The following COL5A2 variants were observed in gnomAD, a reference collection of about 807,000 sequenced individuals.
COL5A2 encodes the protein collagen type V alpha 2 chain, also known as collagen alpha-2(V) chain.
A neutral mutation model predicts 208.2 loss-of-function variants in COL5A2; 23 were observed. The ratio of observed to expected loss-of-function variants is 0.11; its 90% CI spans 0.08 to 0.16. The LOEUF (loss-of-function observed/expected upper bound fraction) is 0.16, where lower values mean the gene tolerates loss of function less well. Ranked by LOEUF, COL5A2 falls within the 10% of genes least tolerant of loss-of-function variation. The probability of loss-of-function intolerance (pLI) is 1.00; values close to 1 mark genes in which losing one functional copy is unlikely to be tolerated. For synonymous variants in COL5A2, 625 were observed against 628.5 expected (o/e 0.99, Z 0.08); for missense variants, 1,590 against 1,956.4 (o/e 0.81, Z 3.53).
the COL5A2 span, among the ~76,000 whole-genome samples, chr2:189,377,833 CCTTGCGAACCAATTATTTGTTTCTT>C: frequency 6.6e-6 from 1 of 152,134 alleles, no homozygotes; most frequent in Non-Finnish European, 1.5e-5. Context: ...ATTTGTTTCT[CCTTGCGAACCAATTATTTGTTTCTT>C]CTTGCGAACC....
chr2:189,068,374 ATT>A, intron 19 of COL5A2, 104 bp from the exon 20 acceptor site: 1 of 1,033,924 alleles, frequency 9.7e-7, no homozygotes, highest in South Asian at 1.3e-5. Flanking sequence ...AAGTAGAAGC[ATT>A]TTTTAAAAAT....
At chr2:189,181,323 C>T (rs1688776283), upstream of COL5A2, among the ~76,000 whole-genome samples, 2 of 152,056 alleles carry the variant, frequency 1.3e-5, no homozygotes, top group South Asian at 4.1e-4. Context: ...TAGACATGTC[C>T]CATTTCAATG....
chr2:189,157,432 A>T (rs896233893), intron 1 of COL5A2, among the ~76,000 whole-genome samples: 1 of 151,972 alleles, frequency 6.6e-6, no homozygotes, highest in Non-Finnish European at 1.5e-5. Context: ...AGGACATTTA[A>T]ATAAAGAAGT....
upstream of COL5A2, chr2:189,180,027 A>C (rs1164122780): frequency 2.7e-6 from 1 of 376,742 alleles, no homozygotes; most frequent in East Asian, 4.3e-5. Context: ...AGGCTGTTAG[A>C]AGAAAAGGGT....
At chr2:189,100,244 T>C (rs55765720) in intron 3 of COL5A2, 105 bp from the exon 4 acceptor site, 5 of 869,302 alleles carry the variant, frequency 5.8e-6, no homozygotes, top group Non-Finnish European at 9.4e-6. Context: ...AGGGAATTTC[T>C]ATGTAAGAAA....
the COL5A2 span, among the ~76,000 whole-genome samples, chr2:189,285,248 G>A: frequency 6.6e-6 from 1 of 152,022 alleles, no homozygotes. Context: ...TGTGACAAAA[G>A]TTGGCACTGT....
chr2:189,396,895 A>G, the COL5A2 span, among the ~76,000 whole-genome samples: 2 of 149,900 alleles, frequency 1.3e-5, no homozygotes, highest in East Asian at 4.0e-4. Context: ...AGAGGCTGAG[A>G]CAGGAGAATT....
intron 1 of COL5A2, among the ~76,000 whole-genome samples, chr2:189,213,307 C>T (rs1689239176): frequency 6.6e-6 from 1 of 151,916 alleles, no homozygotes; most frequent in African/African-American, 2.4e-5. Context: ...TAAAAAATGA[C>T]CAAGAGAAAA....
At chr2:189,403,953 A>C in the COL5A2 span, among the ~76,000 whole-genome samples, 1 of 152,088 alleles carries the variant, frequency 6.6e-6, no homozygotes, top group Non-Finnish European at 1.5e-5. Context: ...GGATGGTCTC[A>C]ATCTCCTGAC....
chr2:189,339,318 T>A, the COL5A2 span, among the ~76,000 whole-genome samples: 1 of 145,032 alleles, frequency 6.9e-6, no homozygotes, highest in Admixed American at 7.1e-5. Context: ...GCCACTGCAC[T>A]CCAGCCTATA....
At chr2:189,387,045 C>A in the COL5A2 span, among the ~76,000 whole-genome samples, 1 of 151,948 alleles carries the variant, frequency 6.6e-6, no homozygotes, top group Non-Finnish European at 1.5e-5. Context: ...TTCACAATAG[C>A]AAAAACATGG....
the COL5A2 span, among the ~76,000 whole-genome samples, chr2:189,298,335 GAA>G: frequency 4.6e-5 from 7 of 152,122 alleles, no homozygotes; most frequent in Non-Finnish European, 8.8e-5. Context: ...TGAGTTAATA[GAA>G]AAGCCTTGAA....
At chr2:189,356,865 C>T in the COL5A2 span, among the ~76,000 whole-genome samples, 1 of 152,282 alleles carries the variant, frequency 6.6e-6, no homozygotes, top group South Asian at 2.1e-4. Context: ...TCTCCATCTT[C>T]GTGGATTTAT....
chr2:189,044,798 G>C lies in COL5A2; in HGVS notation c.3363+381C>G, dbSNP rs115592156. Among the ~76,000 whole-genome samples, 562 of 152,150 alleles carry C rather than the reference G, an allele frequency of 3.7e-3. 2 individuals are homozygous for C. Among genetic ancestry groups the C allele is most frequent in the African/African-American group, 0.013 (525 of 41,530 alleles). On this transcript the variant is annotated intron_variant, in intron 47 of 53. Transcript: ENST00000374866. Reference sequence around the variant, plus strand: ...ATCAGAACATAGAAAGAAAAATCTAGTTGAAAATGAAACATAATATTTGAA... The same window carrying C: ...ATCAGAACATAGAAAGAAAAATCTACTTGAAAATGAAACATAATATTTGAA...
the COL5A2 span, among the ~76,000 whole-genome samples, chr2:189,368,856 T>G: frequency 1.3e-5 from 2 of 152,144 alleles, no homozygotes; most frequent in Non-Finnish European, 2.9e-5. Flanking sequence ...ATGTACTATA[T>G]AGTTAACTCG....
chr2:189,255,762 T>C, the COL5A2 span, among the ~76,000 whole-genome samples: 4 of 152,074 alleles, frequency 2.6e-5, no homozygotes, highest in African/African-American at 9.7e-5. Flanking sequence ...TAAAATGGAA[T>C]AATGTAAGAA....
chr2:189,068,693 A>G (rs1249618777), intron 19 of COL5A2, 93 bp downstream of exon 19: 1 of 859,438 alleles, frequency 1.2e-6, no homozygotes, highest in Non-Finnish European at 2.0e-6. Flanking sequence ...TACAAATATT[A>G]TGTATCAATT....
chr2:189,274,639 C>T, the COL5A2 span, among the ~76,000 whole-genome samples: 1 of 152,038 alleles, frequency 6.6e-6, no homozygotes, highest in African/African-American at 2.4e-5. Flanking sequence ...TTTTCTACTA[C>T]ATAAGCAAAT....
chr2:189,311,595 A>C, the COL5A2 span: 12 of 1,157,218 alleles, frequency 1.0e-5, no homozygotes, highest in Middle Eastern at 2.6e-4. Flanking sequence ...CTGTTCTCCA[A>C]GCTGGCCTTC....
Sources: gnomAD v4.1 joint callset for allele counts (sites outside exome capture counted in the v4.1 genomes callset) on GRCh38, gnomAD v4.1.1 for gene constraint, MANE v1.5 for transcripts, NCBI Gene and HGNC (gene_info 2026-07-23, HGNC 2026-07-21) for gene names.